The following PIP5K1B variants were observed in gnomAD, a reference collection of about 807,000 sequenced individuals.
PIP5K1B encodes the protein phosphatidylinositol 4-phosphate 5-kinase type-1 beta.
A neutral mutation model predicts 67.0 loss-of-function variants in PIP5K1B; 42 were observed. That is an observed-to-expected ratio of 0.63 (90% confidence interval 0.49 to 0.81). The LOEUF is 0.81. PIP5K1B is among the 30% of genes least tolerant of loss of function. The pLI is 0.00. For synonymous variants in PIP5K1B, 214 were observed against 231.4 expected, an observed-to-expected ratio of 0.92 and a Z score of 0.68; for missense variants, 459 against 646.3, an observed-to-expected ratio of 0.71 and a Z score of 3.14.
At chr9:68,806,565 G>C (rs1166755758) in intron 2 of PIP5K1B, among the ~76,000 whole-genome samples, 1 of 152,116 alleles carries the variant, frequency 6.6e-6, no homozygotes, top group African/African-American at 2.4e-5. Context: ...CACATTCATG[G>C]CTGTCTCCCA....
chr9:68,791,584 G>GA lies in PIP5K1B; in HGVS notation c.-85-26871dup, dbSNP rs1831974997. On this transcript the variant is annotated intron_variant, in intron 2 of 15. Transcript: ENST00000265382. ...CTCTCTTCTTTTGAGTCCTCTTGGG[G>GA]AAAAAAGGTAAATAATATAATTATA... Among the ~76,000 whole-genome samples, 4 of 152,094 alleles carry GA rather than the reference G, an allele frequency of 2.6e-5. No individual in the cohort carries two copies. The South Asian group carries it at 6.2e-4, about 24-fold the overall frequency.
At chr9:68,846,801 T>G (rs182877572) in intron 4 of PIP5K1B, among the ~76,000 whole-genome samples, 2 of 152,282 alleles carry the variant, frequency 1.3e-5, no homozygotes, top group East Asian at 3.9e-4. Context: ...TAATTCCCTA[T>G]CATCAACCCT....
intron 6 of PIP5K1B, among the ~76,000 whole-genome samples, chr9:68,878,135 A>G (rs901314752): frequency 1.5e-4 from 23 of 151,990 alleles, no homozygotes; most frequent in East Asian, 1.9e-4. Flanking sequence ...GAGAAACCCA[A>G]TGGGGTTTTG....
chr9:68,858,693 G>T (rs183230912), intron 4 of PIP5K1B, among the ~76,000 whole-genome samples: 14 of 152,256 alleles, frequency 9.2e-5, no homozygotes, highest in African/African-American at 3.4e-4. Flanking sequence ...TTGTGCTTTT[G>T]AAAACAATCA....
intron 6 of PIP5K1B, among the ~76,000 whole-genome samples, chr9:68,877,084 T>C (rs1823934978): frequency 6.6e-6 from 1 of 152,224 alleles, no homozygotes; most frequent in Admixed American, 6.5e-5. Context: ...TAGTTCTAAA[T>C]ACTCCTGTGA....
chr9:69,000,312 T>C (rs1830766346), intron 15 of PIP5K1B, among the ~76,000 whole-genome samples: 1 of 152,204 alleles, frequency 6.6e-6, no homozygotes, highest in Non-Finnish European at 1.5e-5. Flanking sequence ...ATTGTGGCTT[T>C]TGAAGTAACT....
chr9:68,709,514 T>G (rs1312848252), intron 1 of PIP5K1B, among the ~76,000 whole-genome samples: 1 of 152,210 alleles, frequency 6.6e-6, no homozygotes, highest in Non-Finnish European at 1.5e-5. Flanking sequence ...ATTACAGGTG[T>G]GAGACCCTGT....
chr9:68,884,543 G>T (rs1325421716), intron 6 of PIP5K1B, among the ~76,000 whole-genome samples: 1 of 151,632 alleles, frequency 6.6e-6, no homozygotes, highest in Non-Finnish European at 1.5e-5. Context: ...ACGTTCCTGT[G>T]GTCCCAGCTA....
intron 15 of PIP5K1B, 122 bp downstream of exon 15, chr9:68,991,379 G>T: frequency 1.6e-6 from 1 of 625,572 alleles, no homozygotes; most frequent in Non-Finnish European, 2.9e-6. Flanking sequence ...AAATGATGGC[G>T]CCCTTTCACT....
At chr9:68,819,630 T>G (rs920162351) in intron 3 of PIP5K1B, among the ~76,000 whole-genome samples, 1 of 152,206 alleles carries the variant, frequency 6.6e-6, no homozygotes, top group Admixed American at 6.5e-5. Context: ...TTGACTTCAT[T>G]AGTTACAGAT....
At chr9:68,819,921 TA>T (rs748486396) in intron 3 of PIP5K1B, among the ~76,000 whole-genome samples, 5 of 151,684 alleles carry the variant, frequency 3.3e-5, no homozygotes, top group Non-Finnish European at 2.9e-5. Flanking sequence ...GGAAGTGTTT[TA>T]AAAAAAAATA....
chr9:68,987,290 G>T (rs866139768), intron 14 of PIP5K1B, among the ~76,000 whole-genome samples: 1 of 151,112 alleles, frequency 6.6e-6, no homozygotes, highest in Non-Finnish European at 1.5e-5. Flanking sequence ...GGGGCCAGGC[G>T]TGGCGGCTTA....
chr9:68,847,228 T>C (rs1236158821), intron 4 of PIP5K1B, among the ~76,000 whole-genome samples: 1 of 151,276 alleles, frequency 6.6e-6, no homozygotes, highest in African/African-American at 2.4e-5. Context: ...ACTGAAGAGG[T>C]CAGTTGGTGG....
At chr9:68,715,626 CCAGCTGCTAATCAT>C (rs1436898259) in intron 1 of PIP5K1B, among the ~76,000 whole-genome samples, 1 of 152,210 alleles carries the variant, frequency 6.6e-6, no homozygotes, top group African/African-American at 2.4e-5. Flanking sequence ...CTCGCCCCCA[CCAGCTGCTAATCAT>C]CAGGGCCCAT....
intron 14 of PIP5K1B, among the ~76,000 whole-genome samples, chr9:68,977,780 G>A (rs1193273808): frequency 2.0e-5 from 3 of 150,354 alleles, no homozygotes; most frequent in Non-Finnish European, 3.0e-5. Context: ...TCAGCCTCCC[G>A]AGTAGCTGGG....
chr9:68,821,125 A>G (rs571926235), intron 3 of PIP5K1B, among the ~76,000 whole-genome samples: 2 of 152,198 alleles, frequency 1.3e-5, no homozygotes, highest in Admixed American at 1.3e-4. Flanking sequence ...CAAAATAATT[A>G]CAAAAAATTA....
chr9:68,740,192 C>T (rs7044032), intron 1 of PIP5K1B, among the ~76,000 whole-genome samples: 66,602 of 152,004 alleles, frequency 0.44, 15,755 homozygotes, highest in African/African-American at 0.63. Flanking sequence ...GAATTTTCTC[C>T]CTGAAGAAAT....
At chr9:68,936,388 TAATC>T (rs1310326885) in intron 13 of PIP5K1B, among the ~76,000 whole-genome samples, 1 of 149,594 alleles carries the variant, frequency 6.7e-6, no homozygotes, top group Non-Finnish European at 1.5e-5. Flanking sequence ...TTTTTTTAAT[TAATC>T]AGGAAGGAGT....
intron 2 of PIP5K1B, among the ~76,000 whole-genome samples, chr9:68,752,046 A>T (rs1003745324): frequency 6.6e-6 from 1 of 152,188 alleles, no homozygotes; most frequent in Non-Finnish European, 1.5e-5. Context: ...TTATAAATGT[A>T]TTAAAGGTTT....
Sources: allele counts gnomAD v4.1 joint callset (sites outside exome capture counted in the v4.1 genomes callset), GRCh38; gene constraint gnomAD v4.1.1; transcripts MANE v1.5; gene names NCBI Gene and HGNC (gene_info 2026-07-23, HGNC 2026-07-21).